SYNE1: variants seen among roughly 807,000 people sequenced by gnomAD.
SYNE1 encodes the protein spectrin repeat containing nuclear envelope protein 1.
A neutral mutation model predicts 1,111.0 loss-of-function variants in SYNE1; 616 were observed. The ratio of observed to expected loss-of-function variants is 0.55; its 90% confidence interval spans 0.52 to 0.59. The LOEUF (loss-of-function observed/expected upper bound fraction) is 0.59, where lower values mean the gene tolerates loss of function less well. Ranked by LOEUF, SYNE1 falls within the 20% of genes least tolerant of loss-of-function variation. The pLI is 0.00. For missense variants in SYNE1, 10,006 were observed against 10,417.0 expected, an observed-to-expected ratio of 0.96 and a Z score of 1.72; for synonymous variants, 3,855 against 3,825.8, an observed-to-expected ratio of 1.01 and a Z score of -0.28.
rs749275993 is a variant in SYNE1 at position 152,330,499 on chromosome 6, G to A, written c.14186C>T (p.Ala4729Val). Residue 4729 changes from alanine (A) to valine (V), a missense_variant, in exon 78 of 146, where the codon GCG (alanine) becomes GTG (valine). Physicochemically the swap from Ala to Val is moderately conservative, Grantham distance 64. Around this residue, in one of 7 missense-constraint regions of SYNE1, gnomAD observed 4,955 missense variants for 5,017.2 expected, o/e 0.99. Transcript: ENST00000367255. ...ILDEVAGLGE[A>V]VDELNQKKEG... ...TTTTTTCTGGTTCAGTTCATCCACC[G>A]CCTCCCCAAGGCCCGCCACCTCGTC... The A allele has an allele frequency of 1.1e-5, 18 of 1,613,876 alleles. No homozygotes were observed. The highest frequency in any genetic ancestry group is 4.0e-5 in the African/African-American group (3 of 74,876).
intron 13 of SYNE1, among the ~76,000 whole-genome samples, chr6:152,484,283 G>A (rs1232165656): frequency 6.6e-6 from 1 of 152,070 alleles, no homozygotes; most frequent in Non-Finnish European, 1.5e-5. Flanking sequence ...TGATAGAAGT[G>A]TTCCAGGGGT....
intron 14 of SYNE1, among the ~76,000 whole-genome samples, chr6:152,476,598 G>T (rs1229536953): frequency 6.6e-6 from 1 of 152,146 alleles, no homozygotes; most frequent in Non-Finnish European, 1.5e-5. Context: ...ATGGGGCTGG[G>T]TGCTGCAGCT....
intron 145 of SYNE1, 102 bp downstream of exon 145, chr6:152,130,618 C>A: frequency 8.2e-7 from 1 of 1,224,538 alleles, no homozygotes; most frequent in East Asian, 2.3e-5. Context: ...AATTTCCCAA[C>A]TACCCTGAGG....
In SYNE1 at chr6:152,428,245, T is replaced by G. The variant is rs547680915; in HGVS notation, c.4936A>C (p.Arg1646=). 1.9e-6 allele frequency: 3 copies of G among 1,613,986 alleles called. No homozygotes were observed. The highest frequency in any genetic ancestry group is 1.7e-6 in the Non-Finnish European group (2 of 1,180,032). ...YEDILRRAKE[R]QTALENLLAH... ...AGCAGATTCTCCAGCGCCGTCTGTC[T>G]CTCCTTCGCCCTCCTTAGGATGTCC... Residue 1646 remains arginine, a synonymous_variant, in exon 37 of 146, where the codon AGA becomes CGA. Coordinates refer to ENST00000367255, the MANE Select transcript of SYNE1 (RefSeq NM_182961.4).
chr6:152,255,825 G>A, intron 102 of SYNE1, 79 bp from the exon 103 acceptor site: 1 of 1,510,378 alleles, frequency 6.6e-7, no homozygotes, highest in Admixed American at 1.7e-5. Flanking sequence ...TGGGGCCGGT[G>A]CAGTGCTCAC....
chr6:152,583,150 A>C (rs1321294228), intron 3 of SYNE1, among the ~76,000 whole-genome samples: 1 of 152,186 alleles, frequency 6.6e-6, no homozygotes, highest in Non-Finnish European at 1.5e-5. Context: ...GAATACATTA[A>C]ATATATATTT....
intron 128 of SYNE1, among the ~76,000 whole-genome samples, chr6:152,180,991 T>G (rs1306869165): frequency 6.6e-6 from 1 of 151,782 alleles, no homozygotes; most frequent in Non-Finnish European, 1.5e-5. Context: ...TACAATCACC[T>G]GTTTAAAAAT....
intron 100 of SYNE1, among the ~76,000 whole-genome samples, chr6:152,266,981 T>C (rs1282466004): frequency 6.6e-6 from 1 of 152,140 alleles, no homozygotes; most frequent in African/African-American, 2.4e-5. Flanking sequence ...TCTACACACA[T>C]ACTCTACTTT....
At chr6:152,191,084 A>G (rs997276616) in intron 127 of SYNE1, among the ~76,000 whole-genome samples, 2 of 152,236 alleles carry the variant, frequency 1.3e-5, no homozygotes, top group African/African-American at 4.8e-5. Flanking sequence ...GATTAATTTG[A>G]GAATGTTCAA....
At chr6:152,436,905 C>T (rs752046536) in intron 32 of SYNE1, among the ~76,000 whole-genome samples, 3 of 151,968 alleles carry the variant, frequency 2.0e-5, no homozygotes, top group Non-Finnish European at 4.4e-5. Flanking sequence ...ACGGCTCATG[C>T]CTTTAACTCC....
At chr6:152,169,810 T>A (rs548449156) in intron 130 of SYNE1, among the ~76,000 whole-genome samples, 31 of 150,232 alleles carry the variant, frequency 2.1e-4, no homozygotes, top group African/African-American at 4.9e-4. Context: ...AAAAAAAAAA[T>A]AAAAAATTAA....
Position 152,350,255 on chromosome 6 carries a change from C to T in SYNE1, c.11814G>A (p.Leu3938=), listed in dbSNP as rs2096717928. The change falls in exon 72 of 146, where the codon CTG becomes CTA. Residue 3938 remains leucine, a synonymous_variant. Coordinates refer to ENST00000367255, the MANE Select transcript of SYNE1 (RefSeq NM_182961.4). ...NSELQEVEKW[L]LQMSGRLVAP... ...CCACCAGTCTGCCAGACATCTGCAG[C>T]AGCCACTTTTCGACCTCTTGGAGCT... 6.2e-7 allele frequency: 1 copy of T among 1,614,070 alleles called. No individual in the cohort carries two copies. Among genetic ancestry groups the T allele is most frequent in the Admixed American group, 1.7e-5 (1 of 59,998 alleles).
chr6:152,365,506 CT>C (rs2097057088), intron 62 of SYNE1, among the ~76,000 whole-genome samples: 1 of 152,164 alleles, frequency 6.6e-6, no homozygotes, highest in African/African-American at 2.4e-5. Flanking sequence ...CTCTCCCAGG[CT>C]TCAGTGCAGT....
chr6:152,477,180 T>C (rs2098839919), intron 14 of SYNE1, among the ~76,000 whole-genome samples: 1 of 151,752 alleles, frequency 6.6e-6, no homozygotes. Context: ...TGAAAAAAAA[T>C]CAATAACTCC....
chr6:152,529,500 T>C (rs951960713), intron 4 of SYNE1, among the ~76,000 whole-genome samples: 6 of 152,158 alleles, frequency 3.9e-5, no homozygotes, highest in African/African-American at 1.4e-4. Flanking sequence ...ATTCTGACTG[T>C]CCTTCTCACA....
chr6:152,470,853 T>C (rs1225275831), intron 16 of SYNE1, among the ~76,000 whole-genome samples: 1 of 152,204 alleles, frequency 6.6e-6, no homozygotes, highest in Non-Finnish European at 1.5e-5. Flanking sequence ...AAATTTGCAT[T>C]GAAAATTAAT....
At chr6:152,593,842 T>C (rs2099573540) in intron 3 of SYNE1, among the ~76,000 whole-genome samples, 1 of 152,168 alleles carries the variant, frequency 6.6e-6, no homozygotes, top group Non-Finnish European at 1.5e-5. Flanking sequence ...GTGAAAATCG[T>C]ATGAGATCAT....
chr6:152,394,011 G>T (rs1424364729), intron 51 of SYNE1, among the ~76,000 whole-genome samples: 1 of 152,080 alleles, frequency 6.6e-6, no homozygotes, highest in East Asian at 1.9e-4. Flanking sequence ...GTTGTGTGAT[G>T]TTCCCCTCCC....
intron 3 of SYNE1, among the ~76,000 whole-genome samples, chr6:152,542,926 A>G (rs1383467504): frequency 6.6e-6 from 1 of 152,116 alleles, no homozygotes; most frequent in Non-Finnish European, 1.5e-5. Flanking sequence ...TTTACACTCA[A>G]CTTGAGATTA....
Sources: gnomAD v4.1 joint callset for allele counts (sites outside exome capture counted in the v4.1 genomes callset) on GRCh38, gnomAD v4.1.1 for gene constraint, gnomAD v4.1.1 regional missense constraint, MANE v1.5 for transcripts, NCBI Gene and HGNC (gene_info 2026-07-23, HGNC 2026-07-21) for gene names.